Variants in SCEL observed in about 807,000 individuals in gnomAD.
The protein encoded by SCEL is sciellin.
In SCEL, 113 loss-of-function variants were observed where a neutral mutation model predicts 117.6. The ratio of observed to expected loss-of-function variants is 0.96; its 90% CI spans 0.83 to 1.12. The LOEUF (loss-of-function observed/expected upper bound fraction) is 1.12. Among genes scored for constraint, SCEL ranks in the 50% most tolerant of loss-of-function variants. The pLI, the probability that SCEL is intolerant of heterozygous loss-of-function variation, is 0.00. For synonymous variants in SCEL, 270 were observed against 256.2 expected (o/e 1.05, Z -0.51); for missense variants, 785 against 810.8 (o/e 0.97, Z 0.39).
At chr13:77,624,012 T>C (rs1483662433) in intron 27 of SCEL, among the ~76,000 whole-genome samples, 1 of 152,054 alleles carries the variant, frequency 6.6e-6, no homozygotes, top group East Asian at 1.9e-4. Flanking sequence ...CAGGGTTGGT[T>C]CCTTCCACGG....
chr13:77,614,794 AG>A (rs1323285245), intron 24 of SCEL, among the ~76,000 whole-genome samples: 4 of 152,152 alleles, frequency 2.6e-5, no homozygotes, highest in Non-Finnish European at 2.9e-5. Flanking sequence ...AATTAGTGGA[AG>A]ACTGATAGTA....
intron 22 of SCEL, 32 bp downstream of exon 22, chr13:77,610,138 C>G (rs1045811264): frequency 4.0e-6 from 6 of 1,516,580 alleles, no homozygotes; most frequent in East Asian, 2.3e-5. Flanking sequence ...ATTTCTCCCC[C>G]CTTTTTTTTT....
chr13:77,578,506 C>T (rs2086082364), intron 9 of SCEL, among the ~76,000 whole-genome samples: 1 of 152,074 alleles, frequency 6.6e-6, no homozygotes, highest in Non-Finnish European at 1.5e-5. Context: ...GTACAAATAA[C>T]CATACCATAA....
At chr13:77,561,085 C>T (rs1336891256) in intron 4 of SCEL, among the ~76,000 whole-genome samples, 1 of 152,176 alleles carries the variant, frequency 6.6e-6, no homozygotes, top group African/African-American at 2.4e-5. Flanking sequence ...TCTGCCGAGG[C>T]CCTGTCCTTA....
chr13:77,540,809 A>G (rs1233065666), intron 1 of SCEL, among the ~76,000 whole-genome samples: 3 of 152,230 alleles, frequency 2.0e-5, no homozygotes, highest in African/African-American at 7.2e-5. Context: ...ACACCCTTGA[A>G]CGACTTTAAG....
chr13:77,629,066 G>T (rs2089911031), intron 28 of SCEL, among the ~76,000 whole-genome samples: 1 of 152,154 alleles, frequency 6.6e-6, no homozygotes, highest in Non-Finnish European at 1.5e-5. Flanking sequence ...TAAAATTAAG[G>T]AATTTCCCAT....
rs773047623 is a variant in SCEL at position 77,567,774 on chromosome 13, A to C, written c.359+26A>C. The stretch of plus-strand genomic sequence containing the variant: ...GTACCAGTATCTACTAACTATGGGA[A>C]AGGCTCAAGTATAATATTTTTCTAA... On this transcript the variant is annotated intron_variant, in intron 6 of 32. Coordinates refer to ENST00000349847, the MANE Select transcript of SCEL (RefSeq NM_144777.3). 7 of 1,416,574 alleles carry C rather than the reference A, an allele frequency of 4.9e-6. No homozygotes were observed. The South Asian group carries it at 8.6e-5, about 17-fold the overall frequency. The allele number at this position is 1,416,574 out of a possible 1,614,324, so 87.8% of individuals were successfully genotyped here. A position where few individuals can be genotyped will look rare whatever the true frequency, so the allele number is the denominator to read the frequency against.
intron 22 of SCEL, 31 bp downstream of exon 22, chr13:77,610,137 C>T (rs1278742138): frequency 6.6e-7 from 1 of 1,522,118 alleles, no homozygotes; most frequent in Non-Finnish European, 9.0e-7. Flanking sequence ...TATTTCTCCC[C>T]CCTTTTTTTT....
At position 77,538,732 on chromosome 13, in the gene SCEL, T is replaced by C. The variant is rs2083543613; in HGVS notation, c.-20+2908T>C. 4.6e-5 allele frequency among the ~76,000 whole-genome samples: 7 copies of C among 152,206 alleles called. No homozygotes were observed. In the South Asian group the frequency reaches 1.2e-3, roughly 27 times the overall value. ...TGATCATCCTGAATCCTCCTTGTAA[T>C]AGTATACTTGATAGCTCTAAAAATC... On this transcript the variant is annotated intron_variant, in intron 1 of 32. Transcript: ENST00000349847.
At chr13:77,596,085 C>G (rs746994827) in intron 12 of SCEL, among the ~76,000 whole-genome samples, 1 of 152,154 alleles carries the variant, frequency 6.6e-6, no homozygotes, top group Non-Finnish European at 1.5e-5. Context: ...GTAATCCCAG[C>G]ACTTTGGGAG....
chr13:77,612,419 A>T (rs1293739343), intron 22 of SCEL, among the ~76,000 whole-genome samples: 1 of 147,706 alleles, frequency 6.8e-6, no homozygotes, highest in Non-Finnish European at 1.5e-5. Context: ...TATTACCTGC[A>T]TAACTTAGAA....
At chr13:77,626,761 TTTC>T (rs914078169) in intron 27 of SCEL, among the ~76,000 whole-genome samples, 6 of 152,176 alleles carry the variant, frequency 3.9e-5, no homozygotes, top group African/African-American at 1.4e-4. Context: ...TTAAGCCTCT[TTTC>T]TTCATAAATT....
intron 21 of SCEL, 45 bp downstream of exon 21, chr13:77,609,162 C>G (rs1221504735): frequency 5.1e-6 from 7 of 1,379,524 alleles, no homozygotes; most frequent in African/African-American, 1.5e-5. Flanking sequence ...GTAACCAATG[C>G]CTAAAAGTAT....
At chr13:77,537,423 G>A (rs571218850) in intron 1 of SCEL, among the ~76,000 whole-genome samples, 40 of 152,256 alleles carry the variant, frequency 2.6e-4, no homozygotes, top group African/African-American at 9.6e-4. Flanking sequence ...AAAATATGTA[G>A]TAGCAATAAA....
At chr13:77,547,107 TGA>T (rs1320308045) in intron 1 of SCEL, among the ~76,000 whole-genome samples, 1 of 152,186 alleles carries the variant, frequency 6.6e-6, no homozygotes, top group Non-Finnish European at 1.5e-5. Flanking sequence ...TTGTCTGCCA[TGA>T]GTCCCTACTT....
intron 27 of SCEL, among the ~76,000 whole-genome samples, chr13:77,624,930 C>A (rs2089650911): frequency 6.6e-6 from 1 of 152,084 alleles, no homozygotes; most frequent in Admixed American, 6.5e-5. Flanking sequence ...AAATTAATTC[C>A]ACAAATATTT....
chr13:77,572,106 C>G lies in SCEL; in HGVS notation c.480-18C>G, dbSNP rs371215878. Reference sequence around the variant, plus strand: ...GCCTTTCAATCACAATGTTTATTACCGTGTCATTTCTTAACAGGCAGTCCT... The same window carrying G: ...GCCTTTCAATCACAATGTTTATTACGGTGTCATTTCTTAACAGGCAGTCCT... On this transcript the variant is annotated intron_variant, in intron 8 of 32. Transcript: ENST00000349847. 6.2e-7 allele frequency: 1 copy of G among 1,604,688 alleles called. No individual in the cohort carries two copies. The highest frequency in any genetic ancestry group is 8.5e-7 in the Non-Finnish European group (1 of 1,172,094).
At chr13:77,627,798 G>A (rs2089818978) in intron 27 of SCEL, 149 bp from the exon 28 acceptor site, 1 of 267,688 alleles carries the variant, frequency 3.7e-6, no homozygotes, top group South Asian at 1.6e-4. Context: ...GGATCAAATA[G>A]CTCAATGTCA....
intron 9 of SCEL, among the ~76,000 whole-genome samples, chr13:77,573,329 C>T (rs915743848): frequency 2.5e-4 from 38 of 152,108 alleles, no homozygotes; most frequent in Non-Finnish European, 2.9e-5. Context: ...TTCAGGTATC[C>T]AAAGATGTTT....
Sources: gnomAD v4.1 joint callset for allele counts (sites outside exome capture counted in the v4.1 genomes callset) on GRCh38, gnomAD v4.1.1 for gene constraint, MANE v1.5 for transcripts, NCBI Gene and HGNC (gene_info 2026-07-23, HGNC 2026-07-21) for gene names.